Variants in SLC20A2 observed in about 807,000 individuals in gnomAD.
SLC20A2 encodes solute carrier family 20 member 2, also known as sodium-dependent phosphate transporter 2.
SLC20A2 carries 30 observed loss-of-function variants against 61.0 expected under a neutral mutation model. That is an observed-to-expected ratio of 0.49 (90% CI 0.37 to 0.67). The LOEUF (loss-of-function observed/expected upper bound fraction) is 0.67. Among genes scored for constraint, SLC20A2 ranks in the 30% least tolerant of loss-of-function variants. The pLI is 0.00. For missense variants in SLC20A2, 626 were observed against 866.4 expected (o/e 0.72, Z 3.48); for synonymous variants, 351 against 353.3 (o/e 0.99, Z 0.07).
At position 42,444,709 on chromosome 8, in the gene SLC20A2, C is replaced by T. The variant is rs746130950; in HGVS notation, c.667G>A (p.Ala223Thr). ...WAIALISFGVALLFAFFVWLF... is the reference protein window; with the variant it reads ...WAIALISFGVTLLFAFFVWLF... ...CACACAAAAAAAGCGAACAGGAGGG[C>T]GACACCAAAGGAAATGAGGGCTATG... Residue 223 changes from alanine (A) to threonine (T), a missense_variant, in exon 6 of 11, where the codon GCC (alanine) becomes ACC (threonine). Ala to Thr is a moderately conservative substitution (Grantham distance 58). Coordinates refer to ENST00000520262, the MANE Select transcript of SLC20A2 (RefSeq NM_001257180.2). The T allele has an allele frequency of 4.3e-6, 7 of 1,613,734 alleles. No homozygotes were observed. The highest frequency in any genetic ancestry group is 2.2e-5 in the East Asian group (1 of 44,888).
At chr8:42,476,657 G>A (rs953514852) in intron 1 of SLC20A2, among the ~76,000 whole-genome samples, 1 of 152,158 alleles carries the variant, frequency 6.6e-6, no homozygotes. Context: ...TACTTAAACA[G>A]CCTTAGACAA....
intron 3 of SLC20A2, 59 bp from the exon 4 acceptor site, chr8:42,463,149 A>T: frequency 1.0e-6 from 1 of 964,930 alleles, no homozygotes; most frequent in Non-Finnish European, 1.6e-6. Context: ...TTATGGTCCT[A>T]TTCATAGAAC....
chr8:42,421,088 T>C (rs1178240629), intron 10 of SLC20A2, among the ~76,000 whole-genome samples: 1 of 152,250 alleles, frequency 6.6e-6, no homozygotes, highest in African/African-American at 2.4e-5. Context: ...ACATCTGGTT[T>C]TCCCATCCAA....
intron 8 of SLC20A2, 120 bp from the exon 9 acceptor site, chr8:42,430,369 TTC>T: frequency 1.1e-6 from 1 of 908,978 alleles, no homozygotes; most frequent in South Asian, 1.9e-5. Flanking sequence ...ATGTTTTTCT[TTC>T]TTTTTTTTTG....
intron 1 of SLC20A2, among the ~76,000 whole-genome samples, chr8:42,511,337 G>A (rs1811019117): frequency 6.6e-6 from 1 of 152,114 alleles, no homozygotes; most frequent in African/African-American, 2.4e-5. Flanking sequence ...ACTAAGAAGT[G>A]GTCACTTTTG....
At chr8:42,513,474 C>G (rs1811141279) in intron 1 of SLC20A2, among the ~76,000 whole-genome samples, 1 of 152,316 alleles carries the variant, frequency 6.6e-6, no homozygotes, top group Middle Eastern at 3.4e-3. Flanking sequence ...TGATAAACTT[C>G]ATATATTTTG....
intron 5 of SLC20A2, among the ~76,000 whole-genome samples, chr8:42,449,031 G>A (rs1457792444): frequency 6.6e-6 from 1 of 152,136 alleles, no homozygotes; most frequent in Non-Finnish European, 1.5e-5. Context: ...GCACACCCAA[G>A]GCAAACGGTT....
At chr8:42,441,615 T>C (rs1804789973) in intron 6 of SLC20A2, among the ~76,000 whole-genome samples, 1 of 149,462 alleles carries the variant, frequency 6.7e-6, no homozygotes, top group Non-Finnish European at 1.5e-5. Context: ...ATTACAAGCA[T>C]GTGCCACCAC....
Position 42,417,716 on chromosome 8 carries a change from A to G in SLC20A2, c.*87T>C. 1 of 1,435,636 alleles carries G rather than the reference A, an allele frequency of 7.0e-7. No individual in the cohort carries two copies. The highest frequency in any genetic ancestry group is 9.7e-7 in the Non-Finnish European group (1 of 1,030,154). The allele number at this position is 1,435,636 out of a possible 1,614,324, so 88.9% of individuals were successfully genotyped here. On this transcript the variant is annotated 3_prime_UTR_variant, in exon 11 of 11. Transcript: ENST00000520262. ...CATGAGAGAGCCGTGCACGGCCAGG[A>G]TGTGTATGTGCGGCACGAGCACACA...
At chr8:42,432,800 A>G (rs530733401) in intron 8 of SLC20A2, among the ~76,000 whole-genome samples, 1 of 152,366 alleles carries the variant, frequency 6.6e-6, no homozygotes, top group African/African-American at 2.4e-5. Context: ...TTTTTTAGCA[A>G]TAAAGTATTT....
At chr8:42,460,165 C>T in intron 4 of SLC20A2, 173 bp from the exon 5 acceptor site, 1 of 527,526 alleles carries the variant, frequency 1.9e-6, no homozygotes. Context: ...GCAGAAATGG[C>T]ATTGGCTGGG....
upstream of SLC20A2, among the ~76,000 whole-genome samples, chr8:42,505,335 A>C (rs115026267): frequency 0.036 from 5,455 of 152,034 alleles, 191 homozygotes; most frequent in African/African-American, 0.092. Context: ...TCTCAAGCTC[A>C]TAATAGGATA....
At chr8:42,425,707 G>A (rs1399953225) in intron 10 of SLC20A2, among the ~76,000 whole-genome samples, 2 of 152,158 alleles carry the variant, frequency 1.3e-5, no homozygotes, top group Non-Finnish European at 2.9e-5. Flanking sequence ...CCTGCTTTAA[G>A]TGCCAAGAAG....
chr8:42,425,728 ACTACT>A (rs1803360750), intron 10 of SLC20A2, among the ~76,000 whole-genome samples: 1 of 152,166 alleles, frequency 6.6e-6, no homozygotes, highest in South Asian at 2.1e-4. Context: ...CTATCCTAAT[ACTACT>A]CATCACCAGC....
Position 42,468,630 on chromosome 8 carries a change from A to T in SLC20A2, c.290-2713T>A, listed in dbSNP as rs1005618858. ...GGAAAGAGATGAAGCATGGGATAAG[A>T]GTGCAAGCCACGACCTAGGGAAAGT... On this transcript the variant is annotated intron_variant, in intron 2 of 10. Coordinates refer to ENST00000520262, the MANE Select transcript of SLC20A2 (RefSeq NM_001257180.2). Among the ~76,000 whole-genome samples the T allele has an allele frequency of 2.6e-5, 4 of 152,246 alleles. 1 individual carries two copies. The South Asian group carries it at 8.3e-4, about 32-fold the overall frequency.
rs552575070 is a variant in SLC20A2, at chr8:42,441,316, G to C, written c.731-1663C>G. Among the ~76,000 whole-genome samples, 4 of 150,268 alleles carry C rather than the reference G, an allele frequency of 2.7e-5. No homozygotes were observed. In the South Asian group the frequency reaches 8.4e-4, roughly 32 times the overall value. The stretch of plus-strand genomic sequence containing the variant: ...ATTAGAGGCACCCACCACCATACCT[G>C]ACTAATTTTGTATATTTAGTAGAGA... On this transcript the variant is annotated intron_variant, in intron 6 of 10. Coordinates refer to ENST00000520262, the MANE Select transcript of SLC20A2 (RefSeq NM_001257180.2).
At chr8:42,447,952 A>G (rs1281434537) in intron 5 of SLC20A2, among the ~76,000 whole-genome samples, 1 of 152,124 alleles carries the variant, frequency 6.6e-6, no homozygotes, top group Non-Finnish European at 1.5e-5. Flanking sequence ...CCCTGCACCC[A>G]AAGCTGAGAG....
At chr8:42,510,709 C>T (rs1398975314) in intron 1 of SLC20A2, among the ~76,000 whole-genome samples, 1 of 152,006 alleles carries the variant, frequency 6.6e-6, no homozygotes, top group Non-Finnish European at 1.5e-5. Flanking sequence ...GAACCAATTG[C>T]TAGCTTTGAG....
chr8:42,501,766 A>AT (rs1336819840), upstream of SLC20A2, among the ~76,000 whole-genome samples: 1 of 152,234 alleles, frequency 6.6e-6, no homozygotes, highest in African/African-American at 2.4e-5. Flanking sequence ...ACAACTGAGA[A>AT]TAAACATCTC....
Sources: allele counts gnomAD v4.1 joint callset (sites outside exome capture counted in the v4.1 genomes callset), GRCh38; gene constraint gnomAD v4.1.1; transcripts MANE v1.5; gene names NCBI Gene and HGNC (gene_info 2026-07-23, HGNC 2026-07-21).